Variants in MPP2 observed in about 807,000 individuals in gnomAD.
MPP2 encodes MAGUK p55 scaffold protein 2.
A neutral mutation model predicts 58.5 loss-of-function variants in MPP2; 42 were observed. The ratio of observed to expected loss-of-function variants is 0.72; its 90% CI spans 0.56 to 0.93. The LOEUF is 0.93. Among genes scored for constraint, MPP2 ranks in the 40% least tolerant of loss-of-function variants. MPP2 has a pLI of 0.00. For synonymous variants in MPP2, 300 were observed against 307.8 expected (o/e 0.97, Z 0.26); for missense variants, 632 against 760.4 (o/e 0.83, Z 1.99).
At position 43,898,352 on chromosome 17, in the gene MPP2, T is replaced by G. The variant is rs200452407; in HGVS notation, c.60A>C (p.Gly20=). ...TAMQQVLDNL[G]SLPSATGAAE... ...CAGCCCCCGTGGCACTGGGGAGGGA[T>G]CCCAAGTTGTCCAGGACTTGCTGCA... Residue 20 remains glycine (G), a synonymous_variant, in exon 3 of 13, where the codon GGA becomes GGC. Coordinates refer to ENST00000269095, the MANE Select transcript of MPP2 (RefSeq NM_005374.5). 3.1e-6 allele frequency: 5 copies of G among 1,614,034 alleles called. No individual in the cohort carries two copies. In the East Asian group the frequency reaches 1.1e-4, roughly 36 times the overall value.
intron 2 of MPP2, chr17:43,900,743 G>A (rs1403230897): frequency 1.2e-5 from 12 of 1,042,334 alleles, no homozygotes; most frequent in Non-Finnish European, 1.4e-5. Flanking sequence ...GCTGCGCGGT[G>A]CAGAGCAGGC....
At chr17:43,906,923 C>T (rs2048314214) in intron 1 of MPP2, among the ~76,000 whole-genome samples, 1 of 151,552 alleles carries the variant, frequency 6.6e-6, no homozygotes, top group Non-Finnish European at 1.5e-5. Flanking sequence ...CCGGTCCCCT[C>T]CCAAGTCTCC....
In MPP2 at chr17:43,880,963, G is replaced by A. The variant is rs1461519425; in HGVS notation, c.989-111C>T. On this transcript the variant is annotated intron_variant, in intron 9 of 12. Coordinates refer to ENST00000269095, the MANE Select transcript of MPP2 (RefSeq NM_005374.5). This position sits in a 1 kb window ranked among gnomAD's most constrained non-coding sequence, Gnocchi z 5.2. The stretch of plus-strand genomic sequence containing the variant: ...TGGAACAGGGGAGCAGGGGGGAGTC[G>A]GGCAGGGCCTAGGGACACGGCTGGC... The A allele has an allele frequency of 1.6e-5, 25 of 1,519,378 alleles. No homozygotes were observed. The highest frequency in any genetic ancestry group is 4.1e-5 in the African/African-American group (3 of 72,958). 94.1% of individuals were successfully genotyped at this position (1,519,378 alleles called of 1,614,324 possible). A position where few individuals can be genotyped will look rare whatever the true frequency, so the allele number is the denominator to read the frequency against.
chr17:43,900,431 G>A (rs906743292), intron 2 of MPP2: 1 of 1,543,838 alleles, frequency 6.5e-7, no homozygotes, highest in Non-Finnish European at 8.7e-7. Flanking sequence ...TAGGCTAAGG[G>A]GCCAGCTGCC....
chr17:43,881,208 C>A (rs776247536), intron 8 of MPP2, 36 bp downstream of exon 8: 11 of 1,613,494 alleles, frequency 6.8e-6, no homozygotes, highest in Non-Finnish European at 9.3e-6. Flanking sequence ...CTGTTGGATC[C>A]CAGATTGGAG....
chr17:43,887,926 G>GTGTTTC, intron 3 of MPP2, among the ~76,000 whole-genome samples: 1 of 152,244 alleles, frequency 6.6e-6, no homozygotes, highest in East Asian at 1.9e-4. Flanking sequence ...TTATGGCTGA[G>GTGTTTC]ATGTACTCCA....
At chr17:43,907,836 A>T, upstream of MPP2, 1 of 985,432 alleles carries the variant, frequency 1.0e-6, no homozygotes, top group Non-Finnish European at 1.2e-6. Flanking sequence ...GTGCCTAATG[A>T]GACCGGCTTG....
At chr17:43,903,474 A>G (rs1365615290) in intron 2 of MPP2, among the ~76,000 whole-genome samples, 1 of 152,026 alleles carries the variant, frequency 6.6e-6, no homozygotes, top group Non-Finnish European at 1.5e-5. Flanking sequence ...CGGGTGGAGT[A>G]CTTGAGCTCA....
intron 3 of MPP2, chr17:43,883,986 T>A: frequency 1.5e-6 from 1 of 650,994 alleles, no homozygotes; most frequent in African/African-American, 1.8e-5. Flanking sequence ...GTTAGATGGG[T>A]CAGGAAGAAA....
Position 43,879,549 on chromosome 17 carries a change from G to A in MPP2, c.1354-146C>T, listed in dbSNP as rs2047005760. 2 of 1,107,114 alleles carry A rather than the reference G, an allele frequency of 1.8e-6. No individual in the cohort carries two copies. The highest frequency in any genetic ancestry group is 2.1e-5 in the Admixed American group (1 of 46,536). 68.6% of individuals were successfully genotyped at this position (1,107,114 alleles called of 1,614,324 possible). A position where few individuals can be genotyped will look rare whatever the true frequency, so the allele number is the denominator to read the frequency against. Reference sequence around the variant, plus strand: ...CCGGGGGTCTGGGACATGAGTCCTGGGACAAATGACAAACAGCTGGCAGGT... The same window carrying A: ...CCGGGGGTCTGGGACATGAGTCCTGAGACAAATGACAAACAGCTGGCAGGT... On this transcript the variant is annotated intron_variant, in intron 11 of 12. Transcript: ENST00000269095. The surrounding 1 kb of genome is among the most constrained non-coding windows in gnomAD (Gnocchi z 4.1).
chr17:43,901,164 G>T, intron 2 of MPP2: 1 of 719,480 alleles, frequency 1.4e-6, no homozygotes, highest in African/African-American at 1.9e-5. Context: ...TTGGGCATGG[G>T]GCAAATACCT....
intron 2 of MPP2, among the ~76,000 whole-genome samples, chr17:43,898,635 C>A (rs971471950): frequency 3.3e-5 from 5 of 152,182 alleles, no homozygotes; most frequent in African/African-American, 1.2e-4. Context: ...AGGTGGGAGG[C>A]TCCAGGCAGC....
In MPP2 at chr17:43,879,332, G is replaced by A. The variant is rs1332597933; in HGVS notation, c.1425C>T (p.Thr475=). The stretch of plus-strand genomic sequence containing the variant: ...GCGCAGCCCTGTTCATGGCCCGCAG[G>A]GTCTCGAAGTCTGGGGCCTCGATGA... The part of the protein sequence containing the change: ...VVFIEAPDFE[T]LRAMNRAALE... Residue 475 remains threonine, a synonymous_variant, in exon 12 of 13, where the codon ACC becomes ACT. Transcript: ENST00000269095. The surrounding 1 kb of genome is among the most constrained non-coding windows in gnomAD (Gnocchi z 4.1). 6.2e-7 allele frequency: 1 copy of A among 1,614,126 alleles called. No homozygotes were observed. Among genetic ancestry groups the A allele is most frequent in the Non-Finnish European group, 8.5e-7 (1 of 1,180,014 alleles).
intron 3 of MPP2, 34 bp downstream of exon 3, chr17:43,898,228 G>C (rs1301517934): frequency 3.9e-6 from 6 of 1,533,750 alleles, no homozygotes; most frequent in Non-Finnish European, 5.4e-6. Context: ...CCCAAGCACA[G>C]TGCCCTTGTG....
In MPP2 at chr17:43,880,177, C is replaced by T. The variant is rs746006759; in HGVS notation, c.1151-193G>A. Among the ~76,000 whole-genome samples, 10 of 152,214 alleles carry T rather than the reference C, an allele frequency of 6.6e-5. No homozygotes were observed. Among genetic ancestry groups the T allele is most frequent in the Middle Eastern group, 3.4e-3 (1 of 294 alleles). ...CCATTGGCACACACAGAGACATGAGCTGGTAATCATGGTCCAGCCCAGAGC... is the reference window on the plus strand; with the variant it reads ...CCATTGGCACACACAGAGACATGAGTTGGTAATCATGGTCCAGCCCAGAGC... On this transcript the variant is annotated intron_variant, in intron 10 of 12. Transcript: ENST00000269095. The surrounding 1 kb of genome is among the most constrained non-coding windows in gnomAD (Gnocchi z 5.2).
chr17:43,907,049 G>A, intron 1 of MPP2: 1 of 455,740 alleles, frequency 2.2e-6, no homozygotes, highest in Non-Finnish European at 2.9e-6. Context: ...CTGCCTAGGG[G>A]GACCAGGGGG....
rs890190242 is a variant in MPP2, at chr17:43,879,992, G to A, written c.1151-8C>T. On this transcript the variant is annotated splice_polypyrimidine_tract_variant and splice_region_variant and intron_variant, in intron 10 of 12. Coordinates refer to ENST00000269095, the MANE Select transcript of MPP2 (RefSeq NM_005374.5). This position sits in a 1 kb window ranked among gnomAD's most constrained non-coding sequence, Gnocchi z 4.1. ...TCGGCCGCCGGGAGGTGTCTAGGGG[G>A]ATGGGGGTAGGTTGGACCAAATGGG... is the stretch of plus-strand genomic sequence containing the variant. 6.2e-7 allele frequency: 1 copy of A among 1,613,942 alleles called. No homozygotes were observed. The highest frequency in any genetic ancestry group is 8.5e-7 in the Non-Finnish European group (1 of 1,179,940).
chr17:43,907,637 A>G, upstream of MPP2: 9 of 985,650 alleles, frequency 9.1e-6, no homozygotes, highest in Non-Finnish European at 1.1e-5. Context: ...GGAGGCCGGC[A>G]CAACTCGGAG....
upstream of MPP2, chr17:43,909,512 T>A: frequency 1.6e-6 from 2 of 1,280,096 alleles, no homozygotes; most frequent in Non-Finnish European, 2.0e-6. Context: ...CTACAAGATA[T>A]TAATTACTTC....
Sources: allele counts gnomAD v4.1 joint callset (sites outside exome capture counted in the v4.1 genomes callset), GRCh38; gene constraint gnomAD v4.1.1; non-coding constraint Gnocchi (gnomAD v3.1); transcripts MANE v1.5; gene names NCBI Gene and HGNC (gene_info 2026-07-23, HGNC 2026-07-21).